RNF111: variants seen among roughly 807,000 people sequenced by gnomAD.
RNF111 encodes the protein ring finger protein 111, also known as E3 ubiquitin-protein ligase Arkadia.
Under a neutral mutation model 95.1 loss-of-function variants are expected in RNF111, and 17 were observed. The observed-to-expected ratio is 0.18, with a 90% CI of 0.12 to 0.27. The LOEUF (loss-of-function observed/expected upper bound fraction) is 0.27. Among genes scored for constraint, RNF111 ranks in the 10% least tolerant of loss-of-function variants. The pLI is 1.00. For missense variants in RNF111, 1,189 were observed against 1,210.4 expected (o/e 0.98, Z 0.26); for synonymous variants, 440 against 414.8 (o/e 1.06, Z -0.74).
At chr15:59,091,871 C>A (rs988798446) in intron 12 of RNF111, among the ~76,000 whole-genome samples, 3 of 152,132 alleles carry the variant, frequency 2.0e-5, no homozygotes, top group African/African-American at 7.2e-5. Flanking sequence ...CTAGATCCCT[C>A]ACATGCACAG....
chr15:59,059,107 A>C (rs575887536), intron 5 of RNF111, among the ~76,000 whole-genome samples: 27 of 152,118 alleles, frequency 1.8e-4, no homozygotes, highest in Non-Finnish European at 3.8e-4. Context: ...GTGAAACCCT[A>C]TCTCTATTTA....
rs115407968 is a variant in RNF111, at chr15:59,078,200, A to T, written c.1948+1985A>T. 4.4e-3 allele frequency among the ~76,000 whole-genome samples: 667 copies of T among 152,310 alleles called. 5 individuals carry two copies. Among genetic ancestry groups the T allele is most frequent in the Middle Eastern group, 0.041 (12 of 294 alleles). On this transcript the variant is annotated intron_variant, in intron 7 of 13. Coordinates refer to ENST00000348370, the MANE Select transcript of RNF111 (RefSeq NM_017610.8). ...ATTGGCTATAAATTGTGATACTTGG[A>T]TCCAGATGAATAGTTTGCTGTTTCA...
At chr15:59,015,031 G>C (rs1331384086) in intron 1 of RNF111, among the ~76,000 whole-genome samples, 1 of 152,162 alleles carries the variant, frequency 6.6e-6, no homozygotes, top group East Asian at 1.9e-4. Context: ...TAATACGTGT[G>C]AGCCTGACCA....
intron 1 of RNF111, among the ~76,000 whole-genome samples, chr15:59,017,831 C>T (rs939886478): frequency 2.1e-5 from 3 of 145,918 alleles, no homozygotes; most frequent in Admixed American, 7.0e-5. Context: ...AATCTCGGCT[C>T]TCTGCAACCT....
intron 1 of RNF111, among the ~76,000 whole-genome samples, chr15:59,010,066 T>G (rs1267784069): frequency 6.6e-6 from 1 of 152,214 alleles, no homozygotes; most frequent in Non-Finnish European, 1.5e-5. Flanking sequence ...TTTGTGTCAT[T>G]TGAGAATGTG....
At chr15:58,992,118 C>T (rs1236988520) in intron 1 of RNF111, among the ~76,000 whole-genome samples, 8 of 152,140 alleles carry the variant, frequency 5.3e-5, no homozygotes, top group African/African-American at 1.9e-4. Flanking sequence ...GATCTCAGCT[C>T]ACTGAAGCCT....
At chr15:58,993,190 T>A (rs920206323) in intron 1 of RNF111, among the ~76,000 whole-genome samples, 2 of 151,240 alleles carry the variant, frequency 1.3e-5, no homozygotes, top group African/African-American at 4.9e-5. Flanking sequence ...AAATGTTCAA[T>A]TGTAAATAAA....
intron 2 of RNF111, among the ~76,000 whole-genome samples, chr15:59,042,145 G>GA (rs2041493436): frequency 4.0e-5 from 6 of 150,638 alleles, no homozygotes; most frequent in Admixed American, 4.0e-4. Flanking sequence ...CTTTTTTTGA[G>GA]ACAGGATCTC....
intron 1 of RNF111, among the ~76,000 whole-genome samples, chr15:59,026,177 AG>A (rs1338327286): frequency 3.9e-4 from 60 of 152,162 alleles, no homozygotes; most frequent in African/African-American, 1.3e-3. Context: ...TTAGAAGTAG[AG>A]TTCCTCAGAG....
intron 4 of RNF111, among the ~76,000 whole-genome samples, 159 bp from the exon 5 acceptor site, chr15:59,058,197 G>A (rs1192847903): frequency 6.6e-6 from 1 of 152,236 alleles, no homozygotes; most frequent in Non-Finnish European, 1.5e-5. Context: ...CGATATTGCA[G>A]TTTAGCTTTG....
intron 2 of RNF111, among the ~76,000 whole-genome samples, chr15:59,036,820 G>A (rs1193748339): frequency 2.0e-5 from 3 of 151,976 alleles, no homozygotes; most frequent in African/African-American, 7.3e-5. Flanking sequence ...TTCATTTGTG[G>A]TTCTTTTTGG....
intron 1 of RNF111, among the ~76,000 whole-genome samples, chr15:59,020,804 A>G (rs2040302665): frequency 6.6e-6 from 1 of 152,216 alleles, no homozygotes; most frequent in Non-Finnish European, 1.5e-5. Context: ...GAAAGTCTGT[A>G]GAATTCTTGG....
intron 1 of RNF111, among the ~76,000 whole-genome samples, chr15:59,004,869 C>G (rs1422179950): frequency 2.0e-5 from 3 of 152,058 alleles, no homozygotes; most frequent in Non-Finnish European, 2.9e-5. Context: ...ATAAATGGCT[C>G]TAAATATTAG....
chr15:59,065,196 GC>G (rs2042604494), intron 5 of RNF111, among the ~76,000 whole-genome samples: 1 of 152,088 alleles, frequency 6.6e-6, no homozygotes, highest in Admixed American at 6.6e-5. Flanking sequence ...TGGCAGCAGG[GC>G]GGGGCTTTGG....
chr15:59,005,141 G>A (rs1239877226), intron 1 of RNF111, among the ~76,000 whole-genome samples: 2 of 152,170 alleles, frequency 1.3e-5, no homozygotes, highest in South Asian at 2.1e-4. Context: ...TAAAGTGTCA[G>A]TAAGTCTTCC....
intron 6 of RNF111, among the ~76,000 whole-genome samples, chr15:59,071,000 A>G (rs2140093930): frequency 6.6e-6 from 1 of 152,324 alleles, no homozygotes; most frequent in Middle Eastern, 3.4e-3. Flanking sequence ...GTTTGTATTC[A>G]AGAATACGAA....
Position 59,025,724 on chromosome 15 carries a change from C to T in RNF111, c.-19-5080C>T, listed in dbSNP as rs560797537. 3.2e-3 allele frequency among the ~76,000 whole-genome samples: 465 copies of T among 146,450 alleles called. 2 individuals carry two copies. The highest frequency in any genetic ancestry group is 4.7e-3 in the Non-Finnish European group (312 of 66,156). ...TAGAAAAATGCCAAGTCATCTATGG[C>T]TTTTTTTTTTTCTTTTTTCTTTTGT... On this transcript the variant is annotated intron_variant, in intron 1 of 13. Coordinates refer to ENST00000348370, the MANE Select transcript of RNF111 (RefSeq NM_017610.8).
chr15:59,029,102 G>T (rs183589371), intron 1 of RNF111, among the ~76,000 whole-genome samples: 1 of 152,020 alleles, frequency 6.6e-6, no homozygotes, highest in South Asian at 2.1e-4. Flanking sequence ...TTGAGGATCT[G>T]CTAGACCGCT....
chr15:59,058,815 C>T (rs1045059900), intron 5 of RNF111: 40 of 382,836 alleles, frequency 1.0e-4, no homozygotes, highest in African/African-American at 7.3e-4. Flanking sequence ...GCATGAGCAA[C>T]AAAAGCAAAA....
Sources: gnomAD v4.1 joint callset for allele counts (sites outside exome capture counted in the v4.1 genomes callset) on GRCh38, gnomAD v4.1.1 for gene constraint, MANE v1.5 for transcripts, NCBI Gene and HGNC (gene_info 2026-07-23, HGNC 2026-07-21) for gene names.